Variants in CCDC178 observed in about 807,000 individuals in gnomAD.
CCDC178 encodes the protein coiled-coil domain-containing protein 178.
Under a neutral mutation model 117.4 loss-of-function variants are expected in CCDC178, and 126 were observed. That is an observed-to-expected ratio of 1.07 (90% CI 0.93 to 1.24). The LOEUF is 1.24. CCDC178 is among the 50% of genes most tolerant of loss of function. The pLI is 0.00. For synonymous variants in CCDC178, 283 were observed against 313.4 expected (o/e 0.90, Z 1.02); for missense variants, 1,030 against 986.9 (o/e 1.04, Z -0.59).
At chr18:33,157,500 T>A (rs1285350732) in intron 20 of CCDC178, among the ~76,000 whole-genome samples, 1 of 152,206 alleles carries the variant, frequency 6.6e-6, no homozygotes, top group Non-Finnish European at 1.5e-5. Context: ...TAGAAAATAT[T>A]AAATGTATTT....
intron 2 of CCDC178, among the ~76,000 whole-genome samples, chr18:33,416,242 A>G (rs1290799088): frequency 6.6e-6 from 1 of 152,136 alleles, no homozygotes; most frequent in Non-Finnish European, 1.5e-5. Context: ...CCTGACTGAC[A>G]CGGTGAAACC....
At chr18:32,960,795 T>C (rs555963796) in intron 22 of CCDC178, among the ~76,000 whole-genome samples, 2 of 152,272 alleles carry the variant, frequency 1.3e-5, no homozygotes, top group Non-Finnish European at 2.9e-5. Context: ...GCACGAACTT[T>C]CTAATTATGT....
chr18:33,080,001 A>G (rs141502305), intron 21 of CCDC178, among the ~76,000 whole-genome samples: 3 of 152,336 alleles, frequency 2.0e-5, no homozygotes, highest in African/African-American at 4.8e-5. Flanking sequence ...CACTCTTCAC[A>G]ATAGCAAAGA....
intron 11 of CCDC178, among the ~76,000 whole-genome samples, chr18:33,301,865 GC>G: frequency 6.6e-6 from 1 of 152,304 alleles, no homozygotes; most frequent in Middle Eastern, 3.4e-3. Context: ...TGGACTTGAT[GC>G]TGGAATGAGT....
In CCDC178 at chr18:33,224,776, A is replaced by G; in HGVS notation, c.1817T>C (p.Val606Ala). The stretch of plus-strand genomic sequence containing the variant: ...TTTTTGGATTAATTAAATGCTTACA[A>G]CAGAATGTTCTTTGTCGAGACTTCT... Reference protein sequence around the residue: ...RIRSLDKEHSVMLNNIIDQKD... With the variant: ...RIRSLDKEHSAMLNNIIDQKD... The change falls in exon 17 of 23, where the codon GTT (valine) becomes GCT (alanine). Residue 606 changes from valine to alanine, a missense_variant and splice_region_variant. Val to Ala is a moderately conservative substitution (Grantham distance 64). Coordinates refer to ENST00000383096, the MANE Select transcript of CCDC178 (RefSeq NM_001105528.4). The G allele has an allele frequency of 6.6e-7, 1 of 1,508,162 alleles. No individual in the cohort carries two copies. Among genetic ancestry groups the G allele is most frequent in the Non-Finnish European group, 8.9e-7 (1 of 1,126,184 alleles). 93.4% of individuals were successfully genotyped at this position (1,508,162 alleles called of 1,614,324 possible). A position where few individuals can be genotyped will look rare whatever the true frequency, so the allele number is the denominator to read the frequency against.
In CCDC178 at chr18:33,389,621, T is replaced by C. The variant is rs2063540569; in HGVS notation, c.127A>G (p.Met43Val). 1 of 1,482,982 alleles carries C rather than the reference T, an allele frequency of 6.7e-7. No individual in the cohort carries two copies. Among genetic ancestry groups the C allele is most frequent in the Non-Finnish European group, 9.0e-7 (1 of 1,116,426 alleles). The allele number at this position is 1,482,982 out of a possible 1,614,324, so 91.9% of individuals were successfully genotyped here. The change falls in exon 5 of 23, where the codon ATG becomes GTG. Residue 43 changes from methionine to valine, a missense_variant. By Grantham distance (21) the Met-to-Val change is conservative. Transcript: ENST00000383096. ...AWSRTNEGNAMSQSLVLYGAS... is the reference protein window; with the variant it reads ...AWSRTNEGNAVSQSLVLYGAS... ...CCATATAGAACCAAACTTTGAGACA[T>C]GGCATTGCCTTTTAAAAAGAAAAAA...
At chr18:33,149,309 G>A (rs1178475297) in intron 20 of CCDC178, among the ~76,000 whole-genome samples, 2 of 152,188 alleles carry the variant, frequency 1.3e-5, no homozygotes, top group Non-Finnish European at 2.9e-5. Context: ...ACCAGTTTTA[G>A]CAGTGAGGAG....
chr18:33,158,637 C>G (rs1039457819), intron 20 of CCDC178, among the ~76,000 whole-genome samples: 3 of 151,944 alleles, frequency 2.0e-5, no homozygotes, highest in African/African-American at 7.2e-5. Context: ...AATGTGGTAT[C>G]TGAAGGGCCT....
At chr18:32,948,409 G>A (rs1340589916) in intron 22 of CCDC178, among the ~76,000 whole-genome samples, 4 of 152,012 alleles carry the variant, frequency 2.6e-5, no homozygotes, top group Non-Finnish European at 5.9e-5. Context: ...TGGCACAGAA[G>A]TATAAATTAC....
chr18:33,358,708 T>C lies in CCDC178; in HGVS notation c.349-2362A>G, dbSNP rs1417145960. Among the ~76,000 whole-genome samples, 6 of 151,826 alleles carry C rather than the reference T, an allele frequency of 4.0e-5. No homozygotes were observed. The East Asian group carries it at 1.2e-3, about 29-fold the overall frequency. On this transcript the variant is annotated intron_variant, in intron 6 of 22. Transcript: ENST00000383096. ...ATAAAGTAAAACTGTTATAGCATTG[T>C]GGTATGGAAATTTTTCTTAAACAAG...
At chr18:33,414,070 C>A (rs564332192) in intron 2 of CCDC178, among the ~76,000 whole-genome samples, 1 of 152,228 alleles carries the variant, frequency 6.6e-6, no homozygotes, top group South Asian at 2.1e-4. Flanking sequence ...TCCAAAGACA[C>A]TCTAAATAGC....
chr18:33,025,069 A>C (rs963644827), intron 21 of CCDC178, among the ~76,000 whole-genome samples: 12 of 152,340 alleles, frequency 7.9e-5, no homozygotes, highest in African/African-American at 2.9e-4. Flanking sequence ...AAAAATATTT[A>C]ACTAGACAAT....
intron 11 of CCDC178, among the ~76,000 whole-genome samples, chr18:33,293,638 C>A (rs918353838): frequency 6.6e-6 from 1 of 152,078 alleles, no homozygotes; most frequent in African/African-American, 2.4e-5. Flanking sequence ...GTACTCCAGC[C>A]TGGGTGACAG....
At chr18:33,024,473 C>A (rs962925127) in intron 21 of CCDC178, among the ~76,000 whole-genome samples, 1 of 152,052 alleles carries the variant, frequency 6.6e-6, no homozygotes, top group South Asian at 2.1e-4. Context: ...AATTAGGGTC[C>A]ACCCATATTA....
chr18:33,346,621 T>C (rs993931825), intron 8 of CCDC178, among the ~76,000 whole-genome samples: 4 of 152,192 alleles, frequency 2.6e-5, no homozygotes, highest in Admixed American at 2.6e-4. Flanking sequence ...AAACATTTTA[T>C]AAAATAATTA....
At chr18:33,376,876 A>G (rs2063374411) in intron 5 of CCDC178, among the ~76,000 whole-genome samples, 1 of 152,180 alleles carries the variant, frequency 6.6e-6, no homozygotes, top group African/African-American at 2.4e-5. Flanking sequence ...GATTGATTCT[A>G]TGTCTTTGCT....
In CCDC178 at chr18:33,284,730, T is replaced by C. The variant is rs114468848; in HGVS notation, c.1176+8429A>G. ...TGAATCCCATCAGATTTTCTGAGGG[T>C]TGTAAGGAAGAAAACAGGATTCATT... On this transcript the variant is annotated intron_variant, in intron 12 of 22. Coordinates refer to ENST00000383096, the MANE Select transcript of CCDC178 (RefSeq NM_001105528.4). 4.0e-3 allele frequency among the ~76,000 whole-genome samples: 606 copies of C among 152,190 alleles called. 7 individuals carry two copies. The highest frequency in any genetic ancestry group is 0.014 in the African/African-American group (567 of 41,508).
intron 22 of CCDC178, among the ~76,000 whole-genome samples, chr18:32,970,992 T>C (rs965199534): frequency 2.0e-5 from 3 of 152,042 alleles, no homozygotes; most frequent in African/African-American, 7.2e-5. Context: ...TATTTATTTA[T>C]ATTTTATTAT....
intron 20 of CCDC178, among the ~76,000 whole-genome samples, chr18:33,130,850 T>C (rs1003276344): frequency 7.2e-5 from 11 of 151,972 alleles, no homozygotes; most frequent in Admixed American, 5.9e-4. Flanking sequence ...AAACTGTGTA[T>C]TTCCTTTCCT....
Sources: allele counts gnomAD v4.1 joint callset (sites outside exome capture counted in the v4.1 genomes callset), GRCh38; gene constraint gnomAD v4.1.1; transcripts MANE v1.5; gene names NCBI Gene and HGNC (gene_info 2026-07-23, HGNC 2026-07-21).